PTPRN2: variants seen among roughly 807,000 people sequenced by gnomAD.
The protein encoded by PTPRN2 is protein tyrosine phosphatase receptor type N2, also known as receptor-type tyrosine-protein phosphatase N2.
Under a neutral mutation model 118.8 loss-of-function variants are expected in PTPRN2, and 74 were observed. The observed-to-expected ratio is 0.62, with a 90% CI of 0.52 to 0.76. The LOEUF (loss-of-function observed/expected upper bound fraction) is 0.76, where lower values mean the gene tolerates loss of function less well. Ranked by LOEUF, PTPRN2 falls within the 30% of genes least tolerant of loss-of-function variation. The pLI, the probability that PTPRN2 is intolerant of heterozygous loss-of-function variation, is 0.00. For synonymous variants in PTPRN2, 641 were observed against 608.0 expected, an observed-to-expected ratio of 1.05 and a Z score of -0.80; for missense variants, 1,481 against 1,394.4, an observed-to-expected ratio of 1.06 and a Z score of -0.99.
In PTPRN2 at chr7:158,175,553, C is replaced by G. The variant is rs111693768; in HGVS notation, c.550-8262G>C. On this transcript the variant is annotated intron_variant, in intron 5 of 22. Transcript: ENST00000389418. ...GTGCTCAGGCTCTAAGTGGCCCACTCGTGTGGAGGGGAAATAATTGTGGTG... is the reference window on the plus strand; with the variant it reads ...GTGCTCAGGCTCTAAGTGGCCCACTGGTGTGGAGGGGAAATAATTGTGGTG... Among the ~76,000 whole-genome samples, 211 of 152,258 alleles carry G rather than the reference C, an allele frequency of 1.4e-3. 1 individual carries two copies. The highest frequency in any genetic ancestry group is 4.8e-3 in the African/African-American group (198 of 41,532).
chr7:157,577,361 T>C lies in PTPRN2; in HGVS notation c.2617-582A>G, dbSNP rs1207353510. ...ACACTTGAGCCTCTAACTCGCTTCC[T>C]GCTGTGGAGCTTTGGCATTCTCACT... On this transcript the variant is annotated intron_variant, in intron 18 of 22. Coordinates refer to ENST00000389418, the MANE Select transcript of PTPRN2 (RefSeq NM_002847.5). Among the ~76,000 whole-genome samples, 4 of 152,332 alleles carry C rather than the reference T, an allele frequency of 2.6e-5. No individual in the cohort carries two copies. In the South Asian group the frequency reaches 8.3e-4, roughly 32 times the overall value.
chr7:157,896,756 C>T (rs991155593), intron 12 of PTPRN2, among the ~76,000 whole-genome samples: 1 of 152,238 alleles, frequency 6.6e-6, no homozygotes, highest in Non-Finnish European at 1.5e-5. Context: ...TGGCAAGGCA[C>T]ATGGCAGAAG....
At chr7:158,058,873 C>T (rs1211160641) in intron 11 of PTPRN2, among the ~76,000 whole-genome samples, 11 of 122,824 alleles carry the variant, frequency 9.0e-5, no homozygotes, top group Admixed American at 6.0e-4. Flanking sequence ...ACTCCATCTG[C>T]CCACAGTGAG....
chr7:158,468,878 C>T (rs959527018), intron 2 of PTPRN2, among the ~76,000 whole-genome samples: 13 of 152,096 alleles, frequency 8.5e-5, no homozygotes, highest in African/African-American at 1.2e-4. Flanking sequence ...TATGCACACC[C>T]ACACACACTC....
intron 12 of PTPRN2, among the ~76,000 whole-genome samples, chr7:157,822,985 A>C (rs1247028164): frequency 6.6e-6 from 1 of 151,986 alleles, no homozygotes; most frequent in South Asian, 2.1e-4. Context: ...GCATTCATCC[A>C]TCCACCCATG....
intron 3 of PTPRN2, among the ~76,000 whole-genome samples, chr7:158,286,885 C>T (rs904367928): frequency 8.5e-5 from 13 of 152,114 alleles, no homozygotes; most frequent in Non-Finnish European, 1.6e-4. Context: ...TGGAAGTATT[C>T]CTCTTCTTCA....
Position 157,640,903 on chromosome 7 carries a change from T to A in PTPRN2, c.2196+15454A>T, listed in dbSNP as rs571829934. Among the ~76,000 whole-genome samples, 54 of 152,288 alleles carry A rather than the reference T, an allele frequency of 3.5e-4. No individual in the cohort carries two copies. In the South Asian group the frequency reaches 0.011, roughly 31 times the overall value. On this transcript the variant is annotated intron_variant, in intron 14 of 22. Coordinates refer to ENST00000389418, the MANE Select transcript of PTPRN2 (RefSeq NM_002847.5). Reference sequence around the variant, plus strand: ...AATAAAAGACTGAAAGAAGGATATCTTTCAGAAAAAAGGTAGTTTTACCCA... The same window carrying A: ...AATAAAAGACTGAAAGAAGGATATCATTCAGAAAAAAGGTAGTTTTACCCA...
intron 12 of PTPRN2, among the ~76,000 whole-genome samples, chr7:157,860,235 C>A (rs540103519): frequency 1.4e-4 from 21 of 152,322 alleles, no homozygotes; most frequent in African/African-American, 5.1e-4. Context: ...CTCTGCATAC[C>A]CTGGATTTCA....
chr7:158,486,811 C>G (rs1821066522), intron 2 of PTPRN2, among the ~76,000 whole-genome samples: 1 of 152,198 alleles, frequency 6.6e-6, no homozygotes, highest in Non-Finnish European at 1.5e-5. Flanking sequence ...CTTAGCCATT[C>G]TTAAGTGTAC....
At chr7:158,323,269 C>A (rs557829388) in intron 2 of PTPRN2, among the ~76,000 whole-genome samples, 15 of 152,264 alleles carry the variant, frequency 9.9e-5, no homozygotes, top group Non-Finnish European at 1.0e-4. Context: ...GGGATGCAAC[C>A]CCCTTCACTG....
intron 11 of PTPRN2, among the ~76,000 whole-genome samples, chr7:158,014,991 G>T (rs1178910738): frequency 6.6e-6 from 1 of 152,172 alleles, no homozygotes; most frequent in African/African-American, 2.4e-5. Context: ...ATTTTTAAGA[G>T]AATAAGAACT....
intron 12 of PTPRN2, among the ~76,000 whole-genome samples, chr7:157,691,444 C>T (rs1171353513): frequency 6.6e-6 from 1 of 152,064 alleles, no homozygotes; most frequent in Non-Finnish European, 1.5e-5. Context: ...GCTCCCTTTC[C>T]AAATGGAAGC....
At chr7:158,341,489 ATT>A (rs1378571105) in intron 2 of PTPRN2, among the ~76,000 whole-genome samples, 2 of 144,052 alleles carry the variant, frequency 1.4e-5, no homozygotes. Flanking sequence ...TCTCACCATA[ATT>A]GGTGACACGT....
chr7:157,843,948 C>A (rs1275712539), intron 12 of PTPRN2, among the ~76,000 whole-genome samples: 2 of 152,192 alleles, frequency 1.3e-5, no homozygotes. Context: ...ACCAGTGCCA[C>A]CCCACTGCAG....
At chr7:157,867,516 G>A (rs553325074) in intron 12 of PTPRN2, among the ~76,000 whole-genome samples, 18 of 107,222 alleles carry the variant, frequency 1.7e-4, no homozygotes, top group African/African-American at 6.2e-4. Flanking sequence ...CTGGATACAC[G>A]GCCACCACCC....
chr7:158,560,517 G>A (rs1038100075), intron 1 of PTPRN2, among the ~76,000 whole-genome samples: 7 of 152,272 alleles, frequency 4.6e-5, no homozygotes, highest in Non-Finnish European at 1.0e-4. Context: ...ACCCTACTAA[G>A]TGTCAACATG....
intron 12 of PTPRN2, among the ~76,000 whole-genome samples, chr7:157,749,726 TGCCC>T: frequency 2.1e-5 from 3 of 142,584 alleles, no homozygotes; most frequent in African/African-American, 8.1e-5. Flanking sequence ...AGCTGTGAGC[TGCCC>T]GGGTGATTCT....
rs940604877 is a variant in PTPRN2, at chr7:158,328,799, C to G, written c.164-11867G>C. Among the ~76,000 whole-genome samples the G allele has an allele frequency of 2.3e-3, 336 of 147,942 alleles. 6 individuals carry two copies. The highest frequency in any genetic ancestry group is 7.9e-3 in the African/African-American group (310 of 39,232). On this transcript the variant is annotated intron_variant, in intron 2 of 22. Transcript: ENST00000389418. ...CTAGGAGCGGGGCCTCCATTCCCCC[C>G]CCCCCGCCACCCAGGGATCCCAGGG...
chr7:157,866,135 A>C (rs1007714071), intron 12 of PTPRN2: 1 of 152,174 alleles, frequency 6.6e-6, no homozygotes, highest in African/African-American at 2.4e-5. Flanking sequence ...CCTTCTACAC[A>C]AACACCACTT....
Sources: allele counts gnomAD v4.1 joint callset (sites outside exome capture counted in the v4.1 genomes callset), GRCh38; gene constraint gnomAD v4.1.1; transcripts MANE v1.5; gene names NCBI Gene and HGNC (gene_info 2026-07-23, HGNC 2026-07-21).